The following GABRB1 variants were observed in gnomAD, a reference collection of about 807,000 sequenced individuals.
The protein encoded by GABRB1 is gamma-aminobutyric acid type A receptor subunit beta1, also known as gamma-aminobutyric acid receptor subunit beta-1.
A neutral mutation model predicts 51.6 loss-of-function variants in GABRB1; 17 were observed. That is an observed-to-expected ratio of 0.33 (90% CI 0.23 to 0.49). The LOEUF is 0.49. GABRB1 is among the 20% of genes least tolerant of loss of function. The pLI is 0.99. For missense variants in GABRB1, 410 were observed against 600.6 expected, an observed-to-expected ratio of 0.68 and a Z score of 3.32; for synonymous variants, 247 against 218.9, an observed-to-expected ratio of 1.13 and a Z score of -1.14.
At chr4:47,102,388 C>A (rs769328599) in intron 3 of GABRB1, among the ~76,000 whole-genome samples, 1 of 151,922 alleles carries the variant, frequency 6.6e-6, no homozygotes, top group African/African-American at 2.4e-5. Flanking sequence ...GTCCCTACTT[C>A]CAGGAAGTTT....
intron 3 of GABRB1, among the ~76,000 whole-genome samples, chr4:47,145,750 T>C (rs1717141222): frequency 6.6e-6 from 1 of 151,990 alleles, no homozygotes. Flanking sequence ...TATTTTTCAG[T>C]GGTAACATCA....
At chr4:47,210,849 G>A (rs903512466) in intron 4 of GABRB1, among the ~76,000 whole-genome samples, 3 of 152,118 alleles carry the variant, frequency 2.0e-5, no homozygotes, top group African/African-American at 7.2e-5. Context: ...AGACAGCCAC[G>A]GGGGCTATAG....
At chr4:47,266,106 T>C (rs1230185680) in intron 4 of GABRB1, among the ~76,000 whole-genome samples, 1 of 152,204 alleles carries the variant, frequency 6.6e-6, no homozygotes, top group Non-Finnish European at 1.5e-5. Flanking sequence ...TTATCTTGAA[T>C]TATTTTTGTA....
intron 3 of GABRB1, among the ~76,000 whole-genome samples, chr4:47,035,023 G>T (rs1051528215): frequency 6.6e-6 from 1 of 151,992 alleles, no homozygotes; most frequent in Non-Finnish European, 1.5e-5. Flanking sequence ...CATAAAAATA[G>T]TTTTTAAGAA....
intron 5 of GABRB1, among the ~76,000 whole-genome samples, chr4:47,341,853 T>C (rs1050092651): frequency 6.6e-6 from 1 of 152,158 alleles, no homozygotes; most frequent in East Asian, 1.9e-4. Flanking sequence ...TATCTATGAG[T>C]AGTTTATTAA....
chr4:47,019,051 GA>G (rs1724832857), intron 1 of GABRB1, among the ~76,000 whole-genome samples: 1 of 152,044 alleles, frequency 6.6e-6, no homozygotes. Flanking sequence ...GACATTTAAT[GA>G]GATCAAATGA....
intron 4 of GABRB1, among the ~76,000 whole-genome samples, chr4:47,218,232 A>T (rs1578009694): frequency 6.6e-6 from 1 of 151,832 alleles, no homozygotes; most frequent in East Asian, 1.9e-4. Flanking sequence ...TTATCCATTC[A>T]TCTATCACTG....
chr4:47,362,677 A>T (rs1373801429), intron 5 of GABRB1, among the ~76,000 whole-genome samples: 1 of 152,122 alleles, frequency 6.6e-6, no homozygotes, highest in African/African-American at 2.4e-5. Context: ...GGTTTAAATT[A>T]TTGTCCTTCT....
rs564530410 is a variant in GABRB1, at chr4:47,001,385, T to G, written c.-20+7459T>G. Among the ~76,000 whole-genome samples the G allele has an allele frequency of 4.2e-3, 636 of 152,048 alleles. 3 individuals carry two copies. The highest frequency in any genetic ancestry group is 0.013 in the African/African-American group (537 of 41,342). ...TCTGAATCTCCTGACCTCGTGATTC[T>G]CCCGCCTTGGCCTCCCAAAGTGCTG... On this transcript the variant is annotated intron_variant, in intron 1 of 3. Coordinates refer to the GABRB1 transcript ENST00000513567.
rs549829586 is a variant in GABRB1, at chr4:47,288,319, G to A, written c.462-31808G>A. On this transcript the variant is annotated intron_variant, in intron 4 of 8. Transcript: ENST00000295454. ...ACTCTGTCGCCCAGGCTGGAGTGCA[G>A]TGGCGCGATCTCGGCTCACTGCAAC... Among the ~76,000 whole-genome samples the A allele has an allele frequency of 8.7e-4, 132 of 151,926 alleles. No individual in the cohort carries two copies. The Middle Eastern group carries it at 0.014, about 16-fold the overall frequency.
intron 5 of GABRB1, among the ~76,000 whole-genome samples, chr4:47,327,013 T>C (rs1725286286): frequency 6.6e-6 from 1 of 152,240 alleles, no homozygotes. Context: ...GTAGTGAATG[T>C]ATGCTAAATT....
At chr4:47,337,584 C>T (rs1157368652) in intron 5 of GABRB1, among the ~76,000 whole-genome samples, 2 of 151,852 alleles carry the variant, frequency 1.3e-5, no homozygotes, top group African/African-American at 4.8e-5. Flanking sequence ...GCAGGTGGAT[C>T]ACTTGAGGTC....
chr4:47,420,552 T>C (rs1393120957), intron 8 of GABRB1, among the ~76,000 whole-genome samples: 5 of 152,220 alleles, frequency 3.3e-5, no homozygotes, highest in Non-Finnish European at 7.3e-5. Context: ...TCAATCTGGA[T>C]TGTGCTCAAC....
In GABRB1 at chr4:47,311,470, A is replaced by G. The variant is rs145231185; in HGVS notation, c.462-8657A>G. ...ATCTTGGAATATCTTAGTGGGCCCA[A>G]TGTAATCACAAGGGTTCTTATGAAA... On this transcript the variant is annotated intron_variant, in intron 4 of 8. Coordinates refer to ENST00000295454, the MANE Select transcript of GABRB1 (RefSeq NM_000812.4). Among the ~76,000 whole-genome samples the G allele has an allele frequency of 8.6e-4, 111 of 128,606 alleles. 1 individual carries two copies. Among genetic ancestry groups the G allele is most frequent in the South Asian group, 3.3e-3 (12 of 3,612 alleles). The allele number at this position is 128,606 out of a possible 152,430, so 84.4% of individuals were successfully genotyped here. A position where few individuals can be genotyped will look rare whatever the true frequency, so the allele number is the denominator to read the frequency against.
At position 47,206,256 on chromosome 4, in the gene GABRB1, T is replaced by C. The variant is rs549732746; in HGVS notation, c.461+44787T>C. Among the ~76,000 whole-genome samples, 3 of 152,158 alleles carry C rather than the reference T, an allele frequency of 2.0e-5. No homozygotes were observed. In the South Asian group the frequency reaches 6.2e-4, roughly 32 times the overall value. On this transcript the variant is annotated intron_variant, in intron 4 of 8. Transcript: ENST00000295454. ...TGCTTGTTGCTACGTTTTTATTCTT[T>C]GTTTGTTTTAAAATTCATGGAAGCT...
At chr4:47,106,857 C>CT (rs1005865722) in intron 3 of GABRB1, among the ~76,000 whole-genome samples, 2 of 152,034 alleles carry the variant, frequency 1.3e-5, no homozygotes, top group African/African-American at 4.8e-5. Flanking sequence ...TATGGGATCA[C>CT]TTTATCTGTG....
chr4:47,341,844 A>T (rs141664035), intron 5 of GABRB1, among the ~76,000 whole-genome samples: 13 of 152,320 alleles, frequency 8.5e-5, no homozygotes, highest in African/African-American at 2.9e-4. Context: ...TCACATTCAT[A>T]TCTATGAGTA....
At chr4:47,276,616 T>C (rs1353632802) in intron 4 of GABRB1, among the ~76,000 whole-genome samples, 1 of 152,124 alleles carries the variant, frequency 6.6e-6, no homozygotes, top group African/African-American at 2.4e-5. Context: ...ATTTTACAGA[T>C]CAAAAAACCA....
intron 4 of GABRB1, among the ~76,000 whole-genome samples, chr4:47,296,462 G>C (rs1723997337): frequency 6.6e-6 from 1 of 152,104 alleles, no homozygotes; most frequent in Admixed American, 6.6e-5. Flanking sequence ...TGCAATCCTA[G>C]TCTCTGATAA....
Sources: allele counts gnomAD v4.1 joint callset (sites outside exome capture counted in the v4.1 genomes callset), GRCh38; gene constraint gnomAD v4.1.1; transcripts MANE v1.5; gene names NCBI Gene and HGNC (gene_info 2026-07-23, HGNC 2026-07-21).